The following CNTNAP2 variants were observed in gnomAD, a reference collection of about 807,000 sequenced individuals.
CNTNAP2 encodes contactin-associated protein-like 2.
Under a neutral mutation model 155.2 loss-of-function variants are expected in CNTNAP2, and 98 were observed. The ratio of observed to expected loss-of-function variants is 0.63; its 90% CI spans 0.54 to 0.75. CNTNAP2 has a LOEUF of 0.75. CNTNAP2 is among the 30% of genes least tolerant of loss of function. The probability of loss-of-function intolerance (pLI) is 0.00; values close to 1 mark genes in which losing one functional copy is unlikely to be tolerated. For synonymous variants in CNTNAP2, 651 were observed against 631.2 expected, an observed-to-expected ratio of 1.03 and a Z score of -0.47; for missense variants, 1,727 against 1,688.1, an observed-to-expected ratio of 1.02 and a Z score of -0.40.
intron 1 of CNTNAP2, among the ~76,000 whole-genome samples, chr7:146,647,661 A>C (rs1205961499): frequency 6.6e-6 from 1 of 152,140 alleles, no homozygotes; most frequent in Admixed American, 6.6e-5. Flanking sequence ...TGCGAAAAGA[A>C]AAACATAAGG....
At chr7:147,156,460 A>C (rs1389704432) in intron 8 of CNTNAP2, among the ~76,000 whole-genome samples, 1 of 152,144 alleles carries the variant, frequency 6.6e-6, no homozygotes, top group Non-Finnish European at 1.5e-5. Flanking sequence ...ATCAATGCAA[A>C]ATTGTCAAAT....
intron 20 of CNTNAP2, among the ~76,000 whole-genome samples, chr7:148,247,018 G>T (rs184955819): frequency 6.6e-6 from 1 of 152,120 alleles, no homozygotes; most frequent in Non-Finnish European, 1.5e-5. Context: ...GAGGTAGAAC[G>T]CATTAATATC....
intron 18 of CNTNAP2, among the ~76,000 whole-genome samples, chr7:148,191,344 T>C (rs75867182): frequency 0.011 from 1,676 of 152,262 alleles, 26 homozygotes; most frequent in African/African-American, 0.038. Flanking sequence ...CCATGGGATG[T>C]TCAACAAGAA....
intron 3 of CNTNAP2, among the ~76,000 whole-genome samples, chr7:146,879,220 A>G (rs1319518376): frequency 6.6e-6 from 1 of 152,146 alleles, no homozygotes; most frequent in African/African-American, 2.4e-5. Context: ...TATTAATTCT[A>G]GTTACTATTA....
chr7:146,902,390 C>A (rs1167414566), intron 3 of CNTNAP2, among the ~76,000 whole-genome samples: 3 of 152,174 alleles, frequency 2.0e-5, no homozygotes, highest in African/African-American at 7.2e-5. Flanking sequence ...CAGTAACGTA[C>A]ATTTCTTCTA....
intron 1 of CNTNAP2, among the ~76,000 whole-genome samples, chr7:146,643,449 T>G (rs914102054): frequency 7.9e-5 from 12 of 152,154 alleles, no homozygotes; most frequent in African/African-American, 2.7e-4. Flanking sequence ...TTCTCAGGTT[T>G]GTCAAAGATC....
intron 4 of CNTNAP2, among the ~76,000 whole-genome samples, chr7:147,085,093 C>T (rs943805138): frequency 1.3e-5 from 2 of 151,866 alleles, no homozygotes; most frequent in Non-Finnish European, 2.9e-5. Flanking sequence ...TATTAATAAA[C>T]CAATCAAAGC....
At chr7:147,366,777 GCACGCACACACACA>G (rs1297393803) in intron 9 of CNTNAP2, among the ~76,000 whole-genome samples, 1 of 56,926 alleles carries the variant, frequency 1.8e-5, no homozygotes, top group Non-Finnish European at 4.0e-5. Flanking sequence ...CGAATTTGTT[GCACGCACACACACA>G]CACACACACA....
intron 1 of CNTNAP2, among the ~76,000 whole-genome samples, chr7:146,122,726 A>T (rs1033521156): frequency 3.3e-5 from 5 of 152,296 alleles, no homozygotes; most frequent in African/African-American, 1.2e-4. Context: ...TGCTTAGAAT[A>T]CCGTTTCTTT....
chr7:147,695,755 T>C (rs1796151913), intron 13 of CNTNAP2, among the ~76,000 whole-genome samples: 1 of 152,180 alleles, frequency 6.6e-6, no homozygotes, highest in Non-Finnish European at 1.5e-5. Flanking sequence ...TGAGCTGAGA[T>C]TGTGCCACTG....
intron 3 of CNTNAP2, among the ~76,000 whole-genome samples, chr7:146,994,879 T>A (rs1798278323): frequency 6.6e-6 from 1 of 152,190 alleles, no homozygotes; most frequent in Non-Finnish European, 1.5e-5. Context: ...TCTCTTTGTG[T>A]TTTTTAAGAA....
At chr7:148,230,531 G>C (rs1585203845) in intron 20 of CNTNAP2, among the ~76,000 whole-genome samples, 1 of 152,188 alleles carries the variant, frequency 6.6e-6, no homozygotes, top group Non-Finnish European at 1.5e-5. Flanking sequence ...GGAGGATGCT[G>C]TTTTGTCAGT....
At chr7:146,521,674 G>A (rs17170122) in intron 1 of CNTNAP2, among the ~76,000 whole-genome samples, 10,150 of 151,654 alleles carry the variant, frequency 0.067, 849 homozygotes, top group African/African-American at 0.2. Flanking sequence ...AGCATTATTC[G>A]CATTTACATT....
chr7:147,583,037 G>A (rs1434762298), intron 12 of CNTNAP2, among the ~76,000 whole-genome samples: 4 of 152,078 alleles, frequency 2.6e-5, no homozygotes, highest in African/African-American at 9.7e-5. Flanking sequence ...AGGTGATATT[G>A]ATTACATTCA....
At chr7:146,349,615 C>G (rs887403285) in intron 1 of CNTNAP2, among the ~76,000 whole-genome samples, 1 of 152,030 alleles carries the variant, frequency 6.6e-6, no homozygotes, top group African/African-American at 2.4e-5. Context: ...ACTGGTTGTT[C>G]CTTTCTATGT....
intron 15 of CNTNAP2, among the ~76,000 whole-genome samples, chr7:147,998,855 G>A (rs1801852623): frequency 2.0e-5 from 3 of 152,158 alleles, no homozygotes; most frequent in African/African-American, 4.8e-5. Flanking sequence ...AATAGGAGGG[G>A]TGAGTGGGAA....
At chr7:148,321,408 A>G (rs940174956) in intron 21 of CNTNAP2, among the ~76,000 whole-genome samples, 7 of 152,208 alleles carry the variant, frequency 4.6e-5, no homozygotes, top group African/African-American at 1.7e-4. Flanking sequence ...GGGTGGACAG[A>G]GGCTGGTGGC....
chr7:148,206,348 T>C (rs1422778179), intron 18 of CNTNAP2, among the ~76,000 whole-genome samples: 1 of 150,628 alleles, frequency 6.6e-6, no homozygotes, highest in Non-Finnish European at 1.5e-5. Context: ...TATCTAAATA[T>C]AACATATTTA....
intron 1 of CNTNAP2, among the ~76,000 whole-genome samples, chr7:146,587,028 GTTTTA>G (rs1196862061): frequency 7.9e-6 from 1 of 126,302 alleles, no homozygotes; most frequent in Non-Finnish European, 1.6e-5. Context: ...CATGAGCATT[GTTTTA>G]TTTTTTTTTT....
Sources: allele counts gnomAD v4.1 joint callset (sites outside exome capture counted in the v4.1 genomes callset), GRCh38; gene constraint gnomAD v4.1.1; transcripts MANE v1.5; gene names NCBI Gene and HGNC (gene_info 2026-07-23, HGNC 2026-07-21).